SOD2: variants seen among roughly 807,000 people sequenced by gnomAD.
SOD2 encodes the protein superoxide dismutase 2, also known as superoxide dismutase [Mn], mitochondrial.
A neutral mutation model predicts 27.0 loss-of-function variants in SOD2; 11 were observed. The ratio of observed to expected loss-of-function variants is 0.41; its 90% CI spans 0.26 to 0.67. SOD2 has a LOEUF of 0.67. SOD2 is among the 30% of genes least tolerant of loss of function. SOD2 has a pLI of 0.34. For synonymous variants in SOD2, 105 were observed against 103.0 expected (o/e 1.02, Z -0.12); for missense variants, 250 against 274.5 (o/e 0.91, Z 0.63).
intron 1 of SOD2, among the ~76,000 whole-genome samples, chr6:159,754,264 A>C (rs1779924508): frequency 6.6e-6 from 1 of 152,166 alleles, no homozygotes; most frequent in Non-Finnish European, 1.5e-5. Context: ...ACCTTTTCAA[A>C]ATCTTCAGGA....
chr6:159,715,451 T>C (rs1407505816), intron 1 of SOD2, among the ~76,000 whole-genome samples: 1 of 152,074 alleles, frequency 6.6e-6, no homozygotes, highest in African/African-American at 2.4e-5. Flanking sequence ...TCTCCTGTCC[T>C]AGTGGGTCTT....
intron 1 of SOD2, among the ~76,000 whole-genome samples, chr6:159,752,765 CTT>C (rs947068338): frequency 6.6e-6 from 1 of 152,118 alleles, no homozygotes; most frequent in African/African-American, 2.4e-5. Context: ...CTCTCCTCCT[CTT>C]TTTTGAGACA....
At chr6:159,710,802 TAACC>T (rs1777724809) in intron 1 of SOD2, among the ~76,000 whole-genome samples, 1 of 149,060 alleles carries the variant, frequency 6.7e-6, no homozygotes, top group African/African-American at 2.5e-5. Context: ...CTGACCTCCA[TAACC>T]GCCTCCACAA....
Position 159,712,787 on chromosome 6 carries a change from A to G in SOD2, c.-116+14342T>C. 1.1e-5 allele frequency: 6 copies of G among 522,060 alleles called. No individual in the cohort carries two copies. In the Admixed American group the frequency reaches 1.3e-4, roughly 12 times the overall value. The allele number at this position is 522,060 out of a possible 1,614,324, so 32.3% of individuals were successfully genotyped here. A position where few individuals can be genotyped will look rare whatever the true frequency, so the allele number is the denominator to read the frequency against. Reference sequence around the variant, plus strand: ...ACAACCACCACTCAGCTGCATAACTAGACTGGTTGGGTAAGCCCATCTCTC... The same window carrying G: ...ACAACCACCACTCAGCTGCATAACTGGACTGGTTGGGTAAGCCCATCTCTC... On this transcript the variant is annotated intron_variant, in intron 1 of 2. Transcript: ENST00000401980.
chr6:159,758,361 GT>G (rs1478946385), intron 1 of SOD2, among the ~76,000 whole-genome samples: 7 of 152,090 alleles, frequency 4.6e-5, no homozygotes, highest in African/African-American at 1.7e-4. Context: ...TGGTGCCCCA[GT>G]TTGGTTCCTG....
At chr6:159,718,610 T>C (rs1448287674) in intron 1 of SOD2, among the ~76,000 whole-genome samples, 1 of 152,202 alleles carries the variant, frequency 6.6e-6, no homozygotes, top group Non-Finnish European at 1.5e-5. Context: ...ATTAGATATA[T>C]TGGGTTATGT....
intron 1 of SOD2, chr6:159,713,512 T>C (rs910558378): frequency 1.5e-6 from 1 of 680,014 alleles, no homozygotes; most frequent in Non-Finnish European, 2.7e-6. Flanking sequence ...AGCTATCTCC[T>C]GCGAAGCCAA....
chr6:159,738,042 C>T (rs1005516498), intron 1 of SOD2, among the ~76,000 whole-genome samples: 17 of 152,168 alleles, frequency 1.1e-4, no homozygotes, highest in African/African-American at 3.9e-4. Context: ...CTGTGAAAAT[C>T]AGGGAATTGA....
chr6:159,711,037 AGCT>A (rs1562436722), intron 1 of SOD2, among the ~76,000 whole-genome samples: 62 of 23,086 alleles, frequency 2.7e-3, no homozygotes, highest in African/African-American at 3.2e-3. Context: ...ACCACTCAAC[AGCT>A]CTGATCACCA....
In SOD2 at chr6:159,669,382, C is replaced by T. The variant is rs1779608797; in HGVS notation, c.*13111G>A. On this transcript the variant is annotated 3_prime_UTR_variant, in exon 5 of 5. Coordinates refer to ENST00000538183, the MANE Select transcript of SOD2 (RefSeq NM_000636.4). Reference sequence around the variant, plus strand: ...TTTATTGGTTTTATGTCTAGAAAATCTGTCCAATGCTGAGAGTAGAGTGAA... The same window carrying T: ...TTTATTGGTTTTATGTCTAGAAAATTTGTCCAATGCTGAGAGTAGAGTGAA... 6.6e-6 allele frequency: 1 copy of T among 152,198 alleles called. No individual in the cohort carries two copies. The highest frequency in any genetic ancestry group is 1.5e-5 in the Non-Finnish European group (1 of 68,044). The allele number at this position is 152,198 out of a possible 1,614,324, so 9.4% of individuals were successfully genotyped here.
At position 159,673,275 on chromosome 6, in the gene SOD2, C is replaced by A. The variant is rs1397836442; in HGVS notation, c.*9218G>T. 1.3e-5 allele frequency: 2 copies of A among 152,178 alleles called. No homozygotes were observed. Among genetic ancestry groups the A allele is most frequent in the Middle Eastern group, 6.3e-3 (2 of 316 alleles). The allele number at this position is 152,178 out of a possible 1,614,324, so 9.4% of individuals were successfully genotyped here. A position where few individuals can be genotyped will look rare whatever the true frequency, so the allele number is the denominator to read the frequency against. On this transcript the variant is annotated 3_prime_UTR_variant, in exon 5 of 5. Coordinates refer to ENST00000538183, the MANE Select transcript of SOD2 (RefSeq NM_000636.4). ...TAATAGACATCTACAGAACTCTCCA[C>A]CCCAAATCAACAGAATATACATTCT...
In SOD2 at chr6:159,674,284, A is replaced by C. The variant is rs888038321; in HGVS notation, c.*8209T>G. The C allele has an allele frequency of 6.6e-6, 1 of 152,192 alleles. No individual in the cohort carries two copies. The highest frequency in any genetic ancestry group is 1.5e-5 in the Non-Finnish European group (1 of 68,032). 9.4% of individuals were successfully genotyped at this position (152,192 alleles called of 1,614,324 possible). On this transcript the variant is annotated 3_prime_UTR_variant, in exon 5 of 5. Transcript: ENST00000538183. ...ATCCTGATACCAAAGCCTGGCAGAG[A>C]CATAACAAAAAAAGAGAACTTTAGA...
chr6:159,698,464 C>A lies in SOD2; in HGVS notation c.-115-5601G>T, dbSNP rs147904454. Among the ~76,000 whole-genome samples the A allele has an allele frequency of 3.9e-3, 576 of 146,812 alleles. 1 individual carries two copies. Among genetic ancestry groups the A allele is most frequent in the African/African-American group, 0.014 (545 of 39,334 alleles). ...GCAAGCACCTGCAGTCCCAGTTACT[C>A]AGGAGACTGAGGCAGGAGAATCGCT... On this transcript the variant is annotated intron_variant, in intron 1 of 2. Coordinates refer to the SOD2 transcript ENST00000401980.
chr6:159,722,195 T>C (rs1040336374), intron 1 of SOD2, among the ~76,000 whole-genome samples: 2 of 151,808 alleles, frequency 1.3e-5, no homozygotes, highest in African/African-American at 2.4e-5. Context: ...CTGGGCAACA[T>C]AGCAAGACCC....
At chr6:159,754,281 TCC>T (rs1779925583) in intron 1 of SOD2, among the ~76,000 whole-genome samples, 1 of 152,232 alleles carries the variant, frequency 6.6e-6, no homozygotes, top group Non-Finnish European at 1.5e-5. Context: ...AGGAATTATT[TCC>T]TGTGACTTTT....
At chr6:159,734,854 TC>T (rs1202605241) in intron 1 of SOD2, among the ~76,000 whole-genome samples, 8 of 152,210 alleles carry the variant, frequency 5.3e-5, no homozygotes, top group Non-Finnish European at 1.0e-4. Flanking sequence ...TACTTTTTTT[TC>T]CAACCTTGTA....
rs985086046 is a variant in SOD2, at chr6:159,682,254, C to G, written c.*239G>C. ...TATAAATGACAATTGTAATTTAGCT[C>G]TCTGAAGAAAATGTCCAATCAGATT... On this transcript the variant is annotated 3_prime_UTR_variant, in exon 5 of 5. Coordinates refer to ENST00000538183, the MANE Select transcript of SOD2 (RefSeq NM_000636.4). The G allele has an allele frequency of 2.9e-6, 1 of 340,346 alleles. No individual in the cohort carries two copies. The highest frequency in any genetic ancestry group is 5.0e-5 in the East Asian group (1 of 19,872). 21.1% of individuals were successfully genotyped at this position (340,346 alleles called of 1,614,324 possible).
At chr6:159,761,267 G>A (rs1688628504) in exon 1 of SOD2, 1 of 243,270 alleles carries the variant, frequency 4.1e-6, no homozygotes, top group African/African-American at 2.3e-5. Flanking sequence ...GGAAACCCTA[G>A]AAAGCTCAGA....
chr6:159,713,174 C>A, intron 1 of SOD2: 1 of 1,263,158 alleles, frequency 7.9e-7, no homozygotes, highest in Non-Finnish European at 1.1e-6. Context: ...ATCTCCGTAT[C>A]TATGATCAGA....
Sources: allele counts gnomAD v4.1 joint callset (sites outside exome capture counted in the v4.1 genomes callset), GRCh38; gene constraint gnomAD v4.1.1; transcripts MANE v1.5; gene names NCBI Gene and HGNC (gene_info 2026-07-23, HGNC 2026-07-21).